The following TMPRSS2 variants were observed in gnomAD, a reference collection of about 807,000 sequenced individuals.
TMPRSS2 encodes the protein transmembrane protease serine 2.
A neutral mutation model predicts 67.4 loss-of-function variants in TMPRSS2; 59 were observed. That is an observed-to-expected ratio of 0.88 (90% CI 0.71 to 1.09). TMPRSS2 has a LOEUF of 1.09. TMPRSS2 is among the 50% of genes least tolerant of loss of function. The pLI is 0.00. For missense variants in TMPRSS2, 668 were observed against 642.7 expected (o/e 1.04, Z -0.43); for synonymous variants, 257 against 257.0 (o/e 1.00, Z 0.00).
intron 5 of TMPRSS2, among the ~76,000 whole-genome samples, chr21:41,482,711 A>T (rs34783969): frequency 0.36 from 54,760 of 152,094 alleles, 11,829 homozygotes; most frequent in Non-Finnish European, 0.5. Context: ...ACATGAATGG[A>T]TAAACATTGT....
chr21:41,475,656 G>GA (rs2091205368), intron 8 of TMPRSS2, among the ~76,000 whole-genome samples: 1 of 74,386 alleles, frequency 1.3e-5, no homozygotes, highest in Non-Finnish European at 2.9e-5. Context: ...AGGTGAGTGA[G>GA]GGTTGAGGGA....
intron 4 of TMPRSS2, 78 bp downstream of exon 4, chr21:41,489,428 TA>T: frequency 8.0e-7 from 1 of 1,243,134 alleles, no homozygotes; most frequent in Non-Finnish European, 1.2e-6. Flanking sequence ...GAGGTCTCAA[TA>T]GCCCAGAGAG....
chr21:41,480,180 C>T (rs1017949697), intron 6 of TMPRSS2, among the ~76,000 whole-genome samples: 4 of 152,184 alleles, frequency 2.6e-5, no homozygotes, highest in African/African-American at 9.7e-5. Context: ...AGGCACCTAA[C>T]GCCCTCAGCC....
At chr21:41,484,523 C>A (rs1243619445) in intron 5 of TMPRSS2, among the ~76,000 whole-genome samples, 1 of 152,216 alleles carries the variant, frequency 6.6e-6, no homozygotes, top group African/African-American at 2.4e-5. Context: ...ACAATTTCTA[C>A]TCTACGAAAT....
At chr21:41,475,460 GT>G (rs2091198505) in intron 8 of TMPRSS2, among the ~76,000 whole-genome samples, 1 of 47,780 alleles carries the variant, frequency 2.1e-5, no homozygotes. Context: ...GCAGGGGTGA[GT>G]GAGGGGGTGA....
Position 41,468,365 on chromosome 21 carries a change from G to C in TMPRSS2, c.1314+31C>G, listed in dbSNP as rs572963642. ...GGGGGGTTCAGTAGGATCTGGTAAG[G>C]ACCAAAGGTAGAATAAAAATGTTGA... On this transcript the variant is annotated intron_variant, in intron 12 of 13. Coordinates refer to ENST00000332149, the MANE Select transcript of TMPRSS2 (RefSeq NM_005656.4). The C allele has an allele frequency of 2.1e-5, 34 of 1,613,310 alleles. 1 individual carries two copies. The highest frequency in any genetic ancestry group is 1.8e-4 in the East Asian group (8 of 44,876).
intron 3 of TMPRSS2, among the ~76,000 whole-genome samples, chr21:41,490,884 A>G (rs2091330146): frequency 6.6e-6 from 1 of 151,744 alleles, no homozygotes; most frequent in South Asian, 2.1e-4. Context: ...ATTTGAACAG[A>G]CCCTCCCAGG....
intron 5 of TMPRSS2, 126 bp downstream of exon 5, chr21:41,488,268 A>T: frequency 8.7e-7 from 1 of 1,143,766 alleles, no homozygotes; most frequent in Non-Finnish European, 1.2e-6. Flanking sequence ...TGGAGCAGGG[A>T]TTCAATGACA....
rs565896303 is a variant in TMPRSS2 at position 41,495,013 on chromosome 21, G to A, written c.16-435C>T. Among the ~76,000 whole-genome samples, 8 of 150,792 alleles carry A rather than the reference G, an allele frequency of 5.3e-5. No individual in the cohort carries two copies. The East Asian group carries it at 1.6e-3, about 29-fold the overall frequency. ...GAACCTGGGAGGCAGAGATTGCAGT[G>A]AGCTGAGATCTCACCACTGTACTCC... On this transcript the variant is annotated intron_variant, in intron 2 of 13. Coordinates refer to ENST00000332149, the MANE Select transcript of TMPRSS2 (RefSeq NM_005656.4).
In TMPRSS2 at chr21:41,473,402, G is replaced by C. The variant is rs546335233; in HGVS notation, c.822C>G (p.His274Gln). The C allele has an allele frequency of 4.9e-5, 79 of 1,610,086 alleles. No individual in the cohort carries two copies. Among genetic ancestry groups the C allele is most frequent in the Non-Finnish European group, 6.5e-5 (77 of 1,179,212 alleles). ...PGAWPWQVSLHVQNVHVCGGS... is the reference protein window; with the variant it reads ...PGAWPWQVSLQVQNVHVCGGS... ...CTCCGCACACGTGGACGTTCTGGAC[G>C]TGCAGGCTGACCTGCCAGGGCCAGG... Residue 274 changes from histidine to glutamine, a missense_variant, in exon 9 of 14, where the codon CAC (histidine) becomes CAG (glutamine). Transcript: ENST00000332149.
At chr21:41,499,781 T>G (rs923134534) in intron 1 of TMPRSS2, among the ~76,000 whole-genome samples, 3 of 152,224 alleles carry the variant, frequency 2.0e-5, no homozygotes, top group Admixed American at 1.3e-4. Flanking sequence ...CGCTTCACCA[T>G]TTTAACAAGT....
At chr21:41,477,081 T>C (rs2091219763) in intron 7 of TMPRSS2, among the ~76,000 whole-genome samples, 1 of 152,240 alleles carries the variant, frequency 6.6e-6, no homozygotes, top group East Asian at 1.9e-4. Flanking sequence ...GTTACTCATT[T>C]GGGAGTCAAA....
chr21:41,507,949 C>T (rs1274480463), intron 1 of TMPRSS2, 132 bp downstream of exon 1: 1 of 1,482,038 alleles, frequency 6.7e-7, no homozygotes, highest in South Asian at 1.3e-5. Context: ...GGCGCACTCA[C>T]CTGCCGCGCC....
intron 3 of TMPRSS2, among the ~76,000 whole-genome samples, chr21:41,493,032 C>T (rs1287995364): frequency 1.3e-5 from 2 of 152,192 alleles, no homozygotes; most frequent in Admixed American, 6.5e-5. Flanking sequence ...TGTCTTGTGC[C>T]TTGCGGGAGG....
chr21:41,476,574 T>A lies in TMPRSS2; in HGVS notation c.727+3A>T, dbSNP rs1187962670. 1 of 1,613,228 alleles carries A rather than the reference T, an allele frequency of 6.2e-7. No homozygotes were observed. The stretch of plus-strand genomic sequence containing the variant: ...TCAAAAGGGGGACTCCAGATGAACT[T>A]ACCTATACAGCGTAAAGAAACCACT... On this transcript the variant is annotated splice_donor_region_variant and intron_variant, in intron 8 of 13. Coordinates refer to ENST00000332149, the MANE Select transcript of TMPRSS2 (RefSeq NM_005656.4).
At chr21:41,497,483 G>C in intron 2 of TMPRSS2, among the ~76,000 whole-genome samples, 1 of 152,178 alleles carries the variant, frequency 6.6e-6, no homozygotes, top group Non-Finnish European at 1.5e-5. Context: ...GAAAATTCCT[G>C]AGCAGTGGAC....
intron 3 of TMPRSS2, among the ~76,000 whole-genome samples, chr21:41,492,470 C>T (rs2091345622): frequency 6.6e-6 from 1 of 152,224 alleles, no homozygotes; most frequent in Non-Finnish European, 1.5e-5. Context: ...CCTTATACTC[C>T]TGATGGGTGC....
rs555134126 is a variant in TMPRSS2, at chr21:41,502,520, C to T, written c.-56-4331G>A. On this transcript the variant is annotated intron_variant, in intron 1 of 13. Transcript: ENST00000332149. ...CAAAATCCAGACAGCACCACCACCACCATCCACGGACACATCCCAGCCAAT... is the reference window on the plus strand; with the variant it reads ...CAAAATCCAGACAGCACCACCACCATCATCCACGGACACATCCCAGCCAAT... 6.1e-5 allele frequency: 60 copies of T among 985,422 alleles called. No individual in the cohort carries two copies. The South Asian group carries it at 2.5e-3, about 41-fold the overall frequency. 61.0% of individuals were successfully genotyped at this position (985,422 alleles called of 1,614,324 possible).
intron 8 of TMPRSS2, among the ~76,000 whole-genome samples, chr21:41,475,514 GGTGGT>G (rs2091200216): frequency 8.4e-5 from 3 of 35,884 alleles, no homozygotes; most frequent in Non-Finnish European, 1.6e-4. Context: ...GAGGAGGTGA[GGTGGT>G]GAGTGAGGGG....
Sources: gnomAD v4.1 joint callset for allele counts (sites outside exome capture counted in the v4.1 genomes callset) on GRCh38, gnomAD v4.1.1 for gene constraint, MANE v1.5 for transcripts, NCBI Gene and HGNC (gene_info 2026-07-23, HGNC 2026-07-21) for gene names.